The following PITPNC1 variants were observed in gnomAD, a reference collection of about 807,000 sequenced individuals.
PITPNC1 encodes cytoplasmic phosphatidylinositol transfer protein 1.
Under a neutral mutation model 44.7 loss-of-function variants are expected in PITPNC1, and 18 were observed. That is an observed-to-expected ratio of 0.40 (90% CI 0.28 to 0.60). The LOEUF (loss-of-function observed/expected upper bound fraction) is 0.60, where lower values mean the gene tolerates loss of function less well. Ranked by LOEUF, PITPNC1 falls within the 20% of genes least tolerant of loss-of-function variation. The pLI is 0.39. For synonymous variants in PITPNC1, 141 were observed against 149.6 expected (o/e 0.94, Z 0.42); for missense variants, 290 against 418.4 (o/e 0.69, Z 2.68).
intron 1 of PITPNC1, among the ~76,000 whole-genome samples, chr17:67,442,755 T>C (rs1236042478): frequency 2.6e-5 from 4 of 151,844 alleles, no homozygotes; most frequent in Non-Finnish European, 5.9e-5. Flanking sequence ...CTTTGGAGGA[T>C]GAGGCAGGAG....
At chr17:67,591,298 A>T (rs556487117) in intron 5 of PITPNC1, among the ~76,000 whole-genome samples, 1 of 152,364 alleles carries the variant, frequency 6.6e-6, no homozygotes, top group African/African-American at 2.4e-5. Flanking sequence ...AAGAAGACTA[A>T]AGAGATGAGA....
At chr17:67,644,275 G>A (rs1373650902) in intron 6 of PITPNC1, among the ~76,000 whole-genome samples, 5 of 152,080 alleles carry the variant, frequency 3.3e-5, no homozygotes, top group African/African-American at 4.8e-5. Flanking sequence ...TGTCTGCCAC[G>A]AGCCTTCTTA....
chr17:67,480,354 A>G (rs1280348345), intron 1 of PITPNC1, among the ~76,000 whole-genome samples: 1 of 152,202 alleles, frequency 6.6e-6, no homozygotes, highest in Non-Finnish European at 1.5e-5. Flanking sequence ...AAGAATAGAG[A>G]CCTAGAAGAA....
At chr17:67,412,659 C>T (rs748700735) in intron 1 of PITPNC1, among the ~76,000 whole-genome samples, 5 of 152,084 alleles carry the variant, frequency 3.3e-5, no homozygotes, top group Admixed American at 1.3e-4. Flanking sequence ...CTCCACCTCC[C>T]GGGTTCAAGT....
intron 1 of PITPNC1, among the ~76,000 whole-genome samples, chr17:67,462,812 C>T (rs2039361301): frequency 1.3e-5 from 2 of 150,948 alleles, no homozygotes; most frequent in Admixed American, 6.6e-5. Flanking sequence ...AAGCGATTCT[C>T]CTGCCTCAGC....
At chr17:67,611,072 C>T (rs2041681661) in intron 5 of PITPNC1, among the ~76,000 whole-genome samples, 1 of 152,056 alleles carries the variant, frequency 6.6e-6, no homozygotes, top group South Asian at 2.1e-4. Context: ...ATTCAACATA[C>T]CTGGTGTTCA....
At chr17:67,501,978 TG>T (rs1328402474) in intron 1 of PITPNC1, among the ~76,000 whole-genome samples, 1 of 152,172 alleles carries the variant, frequency 6.6e-6, no homozygotes, top group Non-Finnish European at 1.5e-5. Context: ...GACCTATTAG[TG>T]AGTATTAAAT....
At chr17:67,548,499 G>T (rs1479360384) in intron 2 of PITPNC1, among the ~76,000 whole-genome samples, 3 of 152,172 alleles carry the variant, frequency 2.0e-5, no homozygotes, top group Non-Finnish European at 4.4e-5. Context: ...GCTGAGGCTG[G>T]AGAATCGCTT....
At position 67,597,388 on chromosome 17, in the gene PITPNC1, C is replaced by T. The variant is rs566459894; in HGVS notation, c.366+19131C>T. The stretch of plus-strand genomic sequence containing the variant: ...GGCCAACATGGCAAAACCCCATCTC[C>T]ACTAAAAATACAAAAATTAGCCAGG... On this transcript the variant is annotated intron_variant, in intron 5 of 8. Coordinates refer to ENST00000581322, the MANE Select transcript of PITPNC1 (RefSeq NM_012417.4). This position sits in a 1 kb window ranked among gnomAD's most constrained non-coding sequence, Gnocchi z 4.0. Among the ~76,000 whole-genome samples, 34 of 151,908 alleles carry T rather than the reference C, an allele frequency of 2.2e-4. No individual in the cohort carries two copies. The highest frequency in any genetic ancestry group is 4.6e-4 in the Non-Finnish European group (31 of 67,964).
In PITPNC1 at chr17:67,683,149, C is replaced by T. The variant is rs138750641; in HGVS notation, c.682+7607C>T. 7.6e-4 allele frequency among the ~76,000 whole-genome samples: 84 copies of T among 110,520 alleles called. No homozygotes were observed. In the Middle Eastern group the frequency reaches 0.027, roughly 35 times the overall value. The allele number at this position is 110,520 out of a possible 152,430, so 72.5% of individuals were successfully genotyped here. On this transcript the variant is annotated intron_variant, in intron 8 of 8. Coordinates refer to ENST00000581322, the MANE Select transcript of PITPNC1 (RefSeq NM_012417.4). Reference sequence around the variant, plus strand: ...TGCACTCCAGCCCGGGTGACAAGAGCGAAACTGAGTCTCAAAAAAAAAAAA... The same window carrying T: ...TGCACTCCAGCCCGGGTGACAAGAGTGAAACTGAGTCTCAAAAAAAAAAAA...
chr17:67,655,575 A>C (rs2042256012), intron 6 of PITPNC1, among the ~76,000 whole-genome samples: 1 of 146,788 alleles, frequency 6.8e-6, no homozygotes, highest in Non-Finnish European at 1.5e-5. Flanking sequence ...AAAAAAAAAA[A>C]AAAAAAAGCA....
intron 1 of PITPNC1, among the ~76,000 whole-genome samples, chr17:67,415,270 A>G (rs541571396): frequency 2.0e-5 from 3 of 152,258 alleles, no homozygotes; most frequent in African/African-American, 7.2e-5. Context: ...CTGAAATGCC[A>G]CATTACCAGG....
intron 4 of PITPNC1, among the ~76,000 whole-genome samples, chr17:67,575,926 G>C (rs2041143435): frequency 8.0e-6 from 1 of 124,602 alleles, no homozygotes; most frequent in Non-Finnish European, 1.6e-5. Flanking sequence ...GCCCAGACTG[G>C]AGTGCAATGG....
At chr17:67,450,449 G>A (rs752141690) in intron 1 of PITPNC1, among the ~76,000 whole-genome samples, 3 of 151,218 alleles carry the variant, frequency 2.0e-5, no homozygotes, top group Non-Finnish European at 4.4e-5. Context: ...TTTTGAAGAC[G>A]AAGCCTTGCT....
intron 1 of PITPNC1, among the ~76,000 whole-genome samples, chr17:67,529,823 C>T (rs1000625129): frequency 6.6e-6 from 1 of 152,152 alleles, no homozygotes; most frequent in Non-Finnish European, 1.5e-5. Context: ...CGGCGTGCGC[C>T]TGTAATCCCA....
At chr17:67,692,174 TGAC>T (rs1452381036) in intron 8 of PITPNC1, among the ~76,000 whole-genome samples, 1 of 152,088 alleles carries the variant, frequency 6.6e-6, no homozygotes. Flanking sequence ...ATGAAAAATA[TGAC>T]CAGTTAATTA....
chr17:67,494,836 G>T (rs921227346), intron 1 of PITPNC1, among the ~76,000 whole-genome samples: 5 of 151,848 alleles, frequency 3.3e-5, no homozygotes, highest in Non-Finnish European at 5.9e-5. Flanking sequence ...GTCGGACGTG[G>T]TGCTGCATGC....
At chr17:67,483,918 CTTTTT>C (rs60856668) in intron 1 of PITPNC1, among the ~76,000 whole-genome samples, 1 of 111,742 alleles carries the variant, frequency 8.9e-6, no homozygotes. Flanking sequence ...CGTTTTCTTT[CTTTTT>C]TTTTTTTTTT....
chr17:67,691,254 A>AG (rs1471450195), intron 8 of PITPNC1, among the ~76,000 whole-genome samples: 14 of 152,334 alleles, frequency 9.2e-5, no homozygotes, highest in African/African-American at 3.4e-4. Context: ...TCAACATATT[A>AG]TGTCTCAAAT....
Sources: allele counts gnomAD v4.1 joint callset (sites outside exome capture counted in the v4.1 genomes callset), GRCh38; gene constraint gnomAD v4.1.1; non-coding constraint Gnocchi (gnomAD v3.1); transcripts MANE v1.5; gene names NCBI Gene and HGNC (gene_info 2026-07-23, HGNC 2026-07-21).